Variants in PSIP1 observed in about 807,000 individuals in gnomAD.
The protein encoded by PSIP1 is PC4 and SFRS1-interacting protein.
A neutral mutation model predicts 74.7 loss-of-function variants in PSIP1; 19 were observed. That is an observed-to-expected ratio of 0.25 (90% CI 0.18 to 0.37). The LOEUF (loss-of-function observed/expected upper bound fraction) is 0.37. Among genes scored for constraint, PSIP1 ranks in the 10% least tolerant of loss-of-function variants. The pLI, the probability that PSIP1 is intolerant of heterozygous loss-of-function variation, is 1.00. For missense variants in PSIP1, 601 were observed against 614.3 expected, an observed-to-expected ratio of 0.98 and a Z score of 0.23; for synonymous variants, 222 against 195.3, an observed-to-expected ratio of 1.14 and a Z score of -1.14.
chr9:15,471,235 G>A (rs2035812921), intron 10 of PSIP1: 2 of 1,602,178 alleles, frequency 1.2e-6, no homozygotes, highest in Admixed American at 1.7e-5. Context: ...TGTTTGGCTG[G>A]GAATACAATA....
chr9:15,466,512 TTTC>T (rs2035637340), intron 15 of PSIP1, among the ~76,000 whole-genome samples: 1 of 152,234 alleles, frequency 6.6e-6, no homozygotes, highest in South Asian at 2.1e-4. Flanking sequence ...GAGCAAATAT[TTTC>T]TTTTTAACTG....
intron 10 of PSIP1, chr9:15,471,348 G>A: frequency 5.1e-6 from 8 of 1,564,774 alleles, no homozygotes; most frequent in Non-Finnish European, 6.1e-6. Flanking sequence ...ACAGGAGAAG[G>A]AAAGAAAACA....
chr9:15,507,050 T>C (rs183320512), intron 2 of PSIP1, among the ~76,000 whole-genome samples: 72 of 152,308 alleles, frequency 4.7e-4, no homozygotes, highest in Middle Eastern at 3.4e-3. Flanking sequence ...TTGACAACCC[T>C]AAATGTTAGT....
intron 8 of PSIP1, among the ~76,000 whole-genome samples, chr9:15,477,879 T>C (rs1378346149): frequency 2.0e-5 from 3 of 152,018 alleles, no homozygotes; most frequent in East Asian, 3.9e-4. Context: ...GGCTCACCCC[T>C]ATAATTCCAG....
At chr9:15,493,753 C>G (rs1469135984) in intron 3 of PSIP1, among the ~76,000 whole-genome samples, 2 of 152,178 alleles carry the variant, frequency 1.3e-5, no homozygotes, top group Admixed American at 6.5e-5. Flanking sequence ...ATGAAACCAT[C>G]AGATCTCATG....
intron 3 of PSIP1, among the ~76,000 whole-genome samples, chr9:15,497,325 C>CTTTTTTTGTTTTTTTTTTTTTTT (rs2037124650): frequency 8.4e-6 from 1 of 118,594 alleles, no homozygotes; most frequent in South Asian, 2.7e-4. Flanking sequence ...TCTATGATTC[C>CTTTTTTTGTTTTTTTTTTTTTTT]TTTTTTTTTT....
chr9:15,502,458 C>G (rs1333568230), intron 3 of PSIP1, among the ~76,000 whole-genome samples: 1 of 152,118 alleles, frequency 6.6e-6, no homozygotes, highest in Non-Finnish European at 1.5e-5. Flanking sequence ...TTTTTACCCC[C>G]CAAGACAGGG....
At chr9:15,488,301 A>G (rs2036645397) in intron 4 of PSIP1, among the ~76,000 whole-genome samples, 1 of 152,166 alleles carries the variant, frequency 6.6e-6, no homozygotes, top group Non-Finnish European at 1.5e-5. Context: ...ACTGCACTCC[A>G]GCCGGGGTGA....
rs111254287 is a variant in PSIP1, at chr9:15,493,068, C to A, written c.150-2944G>T. Among the ~76,000 whole-genome samples the A allele has an allele frequency of 1.1e-4, 16 of 152,324 alleles. 2 individuals are homozygous for A. The highest frequency in any genetic ancestry group is 7.7e-4 in the East Asian group (4 of 5,184). ...CATTGTCTTGGTGATTAGTGTTTGG[C>A]AGCCTGCTTGAATTTCTCCCTAGAA... On this transcript the variant is annotated intron_variant, in intron 3 of 15. Coordinates refer to ENST00000380733, the MANE Select transcript of PSIP1 (RefSeq NM_033222.5).
At chr9:15,468,133 A>C (rs909233076) in intron 14 of PSIP1, among the ~76,000 whole-genome samples, 1 of 152,020 alleles carries the variant, frequency 6.6e-6, no homozygotes, top group Admixed American at 6.6e-5. Context: ...TAAAAAAAAA[A>C]AAAAAAAAGG....
At chr9:15,471,056 G>A (rs10810390) in intron 10 of PSIP1, 1 of 1,449,950 alleles carries the variant, frequency 6.9e-7, no homozygotes, top group Non-Finnish European at 9.1e-7. Context: ...CCTCAATTTA[G>A]AATCTGGAAC....
At chr9:15,488,640 A>G (rs2036664418) in intron 4 of PSIP1, among the ~76,000 whole-genome samples, 1 of 152,166 alleles carries the variant, frequency 6.6e-6, no homozygotes, top group Admixed American at 6.5e-5. Context: ...TAATCCCAGC[A>G]CTTTGGGAAG....
intron 8 of PSIP1, 114 bp downstream of exon 8, chr9:15,478,363 C>A: frequency 1.1e-6 from 1 of 899,232 alleles, no homozygotes; most frequent in Non-Finnish European, 1.7e-6. Context: ...TAAGAAAGAT[C>A]AAAATAATAA....
chr9:15,506,627 A>G lies in PSIP1; in HGVS notation c.83T>C (p.Val28Ala). The change falls in exon 3 of 16, where the codon GTT becomes GCT. Residue 28 changes from valine to alanine, a missense_variant. By Grantham distance (64) the Val-to-Ala change is moderately conservative. Coordinates refer to ENST00000380733, the MANE Select transcript of PSIP1 (RefSeq NM_033222.5). Reference sequence around the variant, plus strand: ...GGGTGGCTTTACAGCTCCATCAGGAACTTCGTCTACCTAAAAGAAAAGTGA... The same window carrying G: ...GGGTGGCTTTACAGCTCCATCAGGAGCTTCGTCTACCTAAAAGAAAAGTGA... ...YPHWPARVDE[V>A]PDGAVKPPTN... The G allele has an allele frequency of 6.2e-7, 1 of 1,610,416 alleles. No individual in the cohort carries two copies. Among genetic ancestry groups the G allele is most frequent in the Non-Finnish European group, 8.5e-7 (1 of 1,176,958 alleles).
At chr9:15,485,903 AT>A in intron 6 of PSIP1, 102 bp downstream of exon 6, 1 of 1,068,814 alleles carries the variant, frequency 9.4e-7, no homozygotes, top group Non-Finnish European at 1.4e-6. Context: ...AGGGTTTAGA[AT>A]AAAAGCTGAA....
chr9:15,478,642 A>G, intron 7 of PSIP1, 90 bp from the exon 8 acceptor site: 1 of 858,292 alleles, frequency 1.2e-6, no homozygotes, highest in South Asian at 1.5e-5. Flanking sequence ...GATACATACT[A>G]TTTAAGAATA....
chr9:15,500,550 A>G (rs2037293945), intron 3 of PSIP1, among the ~76,000 whole-genome samples: 1 of 152,212 alleles, frequency 6.6e-6, no homozygotes, highest in Non-Finnish European at 1.5e-5. Context: ...GTCCCACACC[A>G]ATACGTGCAG....
intron 3 of PSIP1, among the ~76,000 whole-genome samples, chr9:15,501,911 C>A (rs1469552527): frequency 1.3e-5 from 2 of 149,746 alleles, no homozygotes; most frequent in Non-Finnish European, 2.9e-5. Flanking sequence ...GGTCTCCAGC[C>A]CCCTGGCCAA....
chr9:15,485,173 GACA>G (rs2036506325), intron 6 of PSIP1, among the ~76,000 whole-genome samples: 1 of 152,020 alleles, frequency 6.6e-6, no homozygotes, highest in Non-Finnish European at 1.5e-5. Context: ...AGGTCTTTAG[GACA>G]ACATCAGGTT....
Sources: allele counts gnomAD v4.1 joint callset (sites outside exome capture counted in the v4.1 genomes callset), GRCh38; gene constraint gnomAD v4.1.1; transcripts MANE v1.5; gene names NCBI Gene and HGNC (gene_info 2026-07-23, HGNC 2026-07-21).